ZSWIM6: variants seen among roughly 807,000 people sequenced by gnomAD.
ZSWIM6 encodes zinc finger SWIM-type containing 6.
A neutral mutation model predicts 113.2 loss-of-function variants in ZSWIM6; 9 were observed. The ratio of observed to expected loss-of-function variants is 0.08; its 90% CI spans 0.05 to 0.14. The LOEUF (loss-of-function observed/expected upper bound fraction) is 0.14, where lower values mean the gene tolerates loss of function less well. Among genes scored for constraint, ZSWIM6 ranks in the 10% least tolerant of loss-of-function variants. ZSWIM6 has a pLI of 1.00. For missense variants in ZSWIM6, 1,162 were observed against 1,552.2 expected, an observed-to-expected ratio of 0.75 and a Z score of 4.22; for synonymous variants, 611 against 606.5, an observed-to-expected ratio of 1.01 and a Z score of -0.11.
At chr5:61,534,414 G>A (rs984618661) in intron 9 of ZSWIM6, among the ~76,000 whole-genome samples, 2 of 152,122 alleles carry the variant, frequency 1.3e-5, no homozygotes, top group African/African-American at 4.8e-5. Flanking sequence ...CCAACCACCA[G>A]TTCAGTAACT....
At chr5:61,500,347 C>T (rs907312876) in intron 4 of ZSWIM6, among the ~76,000 whole-genome samples, 2 of 151,978 alleles carry the variant, frequency 1.3e-5, no homozygotes, top group East Asian at 3.9e-4. Flanking sequence ...AGGCTGGTCT[C>T]GAACTCCTGA....
chr5:61,357,241 C>T (rs1455760714), intron 1 of ZSWIM6, among the ~76,000 whole-genome samples: 1 of 152,048 alleles, frequency 6.6e-6, no homozygotes, highest in Non-Finnish European at 1.5e-5. Flanking sequence ...GAATTCAGTG[C>T]AGGGTATTGG....
chr5:61,525,790 GA>G lies in ZSWIM6; in HGVS notation c.1514-4del. Reference sequence around the variant, plus strand: ...AGCTGACACGGCTTTCTGAATTGTGGAAAAAACAGATTCATCGAACAGGCCA... The same window carrying G: ...AGCTGACACGGCTTTCTGAATTGTGGAAAAACAGATTCATCGAACAGGCCA... On this transcript the variant is annotated splice_polypyrimidine_tract_variant and intron_variant, in intron 5 of 13. Transcript: ENST00000252744. The G allele has an allele frequency of 6.4e-7, 1 of 1,551,262 alleles. No individual in the cohort carries two copies. The highest frequency in any genetic ancestry group is 8.7e-7 in the Non-Finnish European group (1 of 1,146,738).
intron 1 of ZSWIM6, among the ~76,000 whole-genome samples, chr5:61,433,213 G>A (rs535895505): frequency 1.3e-5 from 2 of 152,196 alleles, no homozygotes; most frequent in South Asian, 4.1e-4. Context: ...CCCCCTCTAA[G>A]CAAGACATAG....
intron 10 of ZSWIM6, among the ~76,000 whole-genome samples, chr5:61,536,336 G>A (rs1749573206): frequency 6.6e-6 from 1 of 152,130 alleles, no homozygotes; most frequent in Non-Finnish European, 1.5e-5. Context: ...ATTTTAATGA[G>A]TTCAAGATTA....
intron 1 of ZSWIM6, among the ~76,000 whole-genome samples, chr5:61,377,784 C>T (rs116388196): frequency 6.7e-6 from 1 of 149,958 alleles, no homozygotes; most frequent in African/African-American, 2.4e-5. Flanking sequence ...CAAAGATAGA[C>T]AAATTTCCTT....
At chr5:61,416,045 T>C (rs986412796) in intron 1 of ZSWIM6, among the ~76,000 whole-genome samples, 3 of 152,156 alleles carry the variant, frequency 2.0e-5, no homozygotes, top group Non-Finnish European at 4.4e-5. Context: ...TACATTTGTG[T>C]TGGGTGAGGA....
intron 1 of ZSWIM6, among the ~76,000 whole-genome samples, chr5:61,336,913 A>G (rs1012799519): frequency 1.1e-4 from 16 of 152,336 alleles, no homozygotes; most frequent in Non-Finnish European, 1.9e-4. Context: ...CCCAATAGGA[A>G]AATGGGCAGC....
chr5:61,352,780 A>G (rs1744819290), intron 1 of ZSWIM6, among the ~76,000 whole-genome samples: 1 of 152,230 alleles, frequency 6.6e-6, no homozygotes, highest in South Asian at 2.1e-4. Flanking sequence ...TCTGTTTGGC[A>G]TGTATTACAG....
intron 1 of ZSWIM6, among the ~76,000 whole-genome samples, chr5:61,376,684 C>T (rs1247258746): frequency 6.5e-5 from 9 of 138,658 alleles, no homozygotes; most frequent in Admixed American, 6.0e-4. Flanking sequence ...TTTAAATAGA[C>T]ATTGGTACTT....
intron 2 of ZSWIM6, among the ~76,000 whole-genome samples, chr5:61,478,619 A>G (rs1747769018): frequency 1.3e-5 from 2 of 151,928 alleles, no homozygotes; most frequent in Admixed American, 1.3e-4. Flanking sequence ...AACTCACTGA[A>G]TGACTTTGAG....
At chr5:61,417,035 G>A (rs960549982) in intron 1 of ZSWIM6, among the ~76,000 whole-genome samples, 6 of 152,098 alleles carry the variant, frequency 3.9e-5, no homozygotes, top group Admixed American at 2.0e-4. Flanking sequence ...CCAGCTACTC[G>A]GGAGGCTGAG....
At chr5:61,486,328 T>A (rs1748021558) in intron 2 of ZSWIM6, among the ~76,000 whole-genome samples, 1 of 152,206 alleles carries the variant, frequency 6.6e-6, no homozygotes, top group African/African-American at 2.4e-5. Flanking sequence ...ATTGTGTATC[T>A]GTACCACATC....
chr5:61,402,762 A>G (rs918958351), intron 1 of ZSWIM6, among the ~76,000 whole-genome samples: 2 of 152,214 alleles, frequency 1.3e-5, no homozygotes, highest in Admixed American at 1.3e-4. Flanking sequence ...TATTCCCACA[A>G]TAATTATTAC....
At chr5:61,421,450 C>T (rs1484040962) in intron 1 of ZSWIM6, among the ~76,000 whole-genome samples, 1 of 152,070 alleles carries the variant, frequency 6.6e-6, no homozygotes, top group East Asian at 1.9e-4. Context: ...CTCATTTTTT[C>T]ATGGCTGTAT....
At chr5:61,385,189 A>G (rs1340513724) in intron 1 of ZSWIM6, among the ~76,000 whole-genome samples, 1 of 152,216 alleles carries the variant, frequency 6.6e-6, no homozygotes, top group Non-Finnish European at 1.5e-5. Context: ...CATGGACAAC[A>G]CAAATACTGG....
At chr5:61,471,067 TC>T (rs1747559047) in intron 1 of ZSWIM6, among the ~76,000 whole-genome samples, 1 of 152,126 alleles carries the variant, frequency 6.6e-6, no homozygotes, top group Non-Finnish European at 1.5e-5. Context: ...ATGGTAGCAA[TC>T]CTTTTCTTTG....
intron 1 of ZSWIM6, among the ~76,000 whole-genome samples, chr5:61,440,326 A>G (rs1746798776): frequency 6.6e-6 from 1 of 151,270 alleles, no homozygotes; most frequent in Non-Finnish European, 1.5e-5. Context: ...TGTGAAAAAG[A>G]AAAATGGCAG....
At chr5:61,457,408 T>C (rs919898569) in intron 1 of ZSWIM6, among the ~76,000 whole-genome samples, 1 of 152,256 alleles carries the variant, frequency 6.6e-6, no homozygotes, top group Non-Finnish European at 1.5e-5. Flanking sequence ...TTTGTTTTTA[T>C]TGAGGAATTT....
Sources: gnomAD v4.1 joint callset for allele counts (sites outside exome capture counted in the v4.1 genomes callset) on GRCh38, gnomAD v4.1.1 for gene constraint, MANE v1.5 for transcripts, NCBI Gene and HGNC (gene_info 2026-07-23, HGNC 2026-07-21) for gene names.